Variants in CADPS observed in about 807,000 individuals in gnomAD.
CADPS encodes calcium dependent secretion activator, also known as calcium-dependent secretion activator 1.
Under a neutral mutation model 167.3 loss-of-function variants are expected in CADPS, and 57 were observed. That is an observed-to-expected ratio of 0.34 (90% confidence interval 0.28 to 0.42). The LOEUF (loss-of-function observed/expected upper bound fraction) is 0.42, where lower values mean the gene tolerates loss of function less well. CADPS is among the 20% of genes least tolerant of loss of function. CADPS has a pLI of 1.00. For synonymous variants in CADPS, 676 were observed against 635.3 expected (o/e 1.06, Z -0.96); for missense variants, 1,414 against 1,738.1 (o/e 0.81, Z 3.32).
chr3:62,551,502 G>C (rs1343089684), intron 10 of CADPS, among the ~76,000 whole-genome samples: 1 of 152,106 alleles, frequency 6.6e-6, no homozygotes, highest in Non-Finnish European at 1.5e-5. Context: ...ATGCTCACAA[G>C]GCAGCCAGAG....
Position 62,585,427 on chromosome 3 carries a change from C to T in CADPS, c.1438-103G>A, listed in dbSNP as rs910464711. The T allele has an allele frequency of 2.6e-6, 3 of 1,172,954 alleles. No homozygotes were observed. The African/African-American group carries it at 4.7e-5, about 18-fold the overall frequency. 72.7% of individuals were successfully genotyped at this position (1,172,954 alleles called of 1,614,324 possible). On this transcript the variant is annotated intron_variant, in intron 7 of 29. Coordinates refer to ENST00000383710, the MANE Select transcript of CADPS (RefSeq NM_003716.4). ...GTAGTGGAGTGACTTGAACAATTCCCACTGTGGAGCAGCCATACCTGGGGA... is the reference window on the plus strand; with the variant it reads ...GTAGTGGAGTGACTTGAACAATTCCTACTGTGGAGCAGCCATACCTGGGGA...
intron 6 of CADPS, among the ~76,000 whole-genome samples, chr3:62,618,239 G>A (rs1265516863): frequency 6.6e-6 from 1 of 152,132 alleles, no homozygotes; most frequent in Non-Finnish European, 1.5e-5. Flanking sequence ...ACCACCCAGA[G>A]GAAAACAGCT....
At chr3:62,676,639 A>C (rs1331388350) in intron 3 of CADPS, among the ~76,000 whole-genome samples, 1 of 152,006 alleles carries the variant, frequency 6.6e-6, no homozygotes, top group Non-Finnish European at 1.5e-5. Context: ...ATGGTGTTTC[A>C]CCTCCTTTTA....
chr3:62,684,713 C>A (rs2077690189), intron 3 of CADPS, among the ~76,000 whole-genome samples: 1 of 152,014 alleles, frequency 6.6e-6, no homozygotes, highest in Non-Finnish European at 1.5e-5. Context: ...GAAAGCTCAA[C>A]CCATCCTCAG....
rs148585818 is a variant in CADPS at position 62,619,779 on chromosome 3, G to T, written c.1325+25943C>A. 3.0e-3 allele frequency among the ~76,000 whole-genome samples: 463 copies of T among 152,270 alleles called. 3 individuals are homozygous for T. Among genetic ancestry groups the T allele is most frequent in the African/African-American group, 0.011 (445 of 41,554 alleles). On this transcript the variant is annotated intron_variant, in intron 6 of 29. Coordinates refer to ENST00000383710, the MANE Select transcript of CADPS (RefSeq NM_003716.4). ...TGTACTATTTGTTTAGGTTTTTGAA[G>T]TGTTACAGTTTTCCTAATGAGAGGA...
chr3:62,766,887 G>A (rs956877417), intron 1 of CADPS, among the ~76,000 whole-genome samples: 9 of 152,096 alleles, frequency 5.9e-5, no homozygotes, highest in African/African-American at 2.2e-4. Flanking sequence ...TTAACTGCTT[G>A]ATGATGATTA....
chr3:62,776,205 GGT>G (rs1463011299), intron 1 of CADPS, among the ~76,000 whole-genome samples: 6 of 152,052 alleles, frequency 3.9e-5, no homozygotes, highest in Admixed American at 1.3e-4. Flanking sequence ...AGAGTGCTAG[GGT>G]ATAGTCTTGG....
intron 6 of CADPS, among the ~76,000 whole-genome samples, chr3:62,637,807 C>A (rs2066597088): frequency 6.6e-6 from 1 of 152,094 alleles, no homozygotes; most frequent in African/African-American, 2.4e-5. Flanking sequence ...AACTTCACCT[C>A]TCTGGATTTC....
intron 1 of CADPS, among the ~76,000 whole-genome samples, chr3:62,843,353 T>A (rs1011896084): frequency 1.3e-5 from 2 of 152,226 alleles, no homozygotes; most frequent in Non-Finnish European, 2.9e-5. Context: ...TACTAAATAT[T>A]GAAGATTCGA....
In CADPS at chr3:62,465,580, T is replaced by C; in HGVS notation, c.3553-130A>G. On this transcript the variant is annotated intron_variant, in intron 25 of 29. Coordinates refer to ENST00000383710, the MANE Select transcript of CADPS (RefSeq NM_003716.4). The surrounding 1 kb of genome is among the most constrained non-coding windows in gnomAD (Gnocchi z 4.1). ...TTCATTTCTGCAGTCTATTATTTGA[T>C]TCCCGCCTTCGGAGAAAGGAATAGA... The C allele has an allele frequency of 3.5e-6, 2 of 567,094 alleles. No individual in the cohort carries two copies. Among genetic ancestry groups the C allele is most frequent in the Non-Finnish European group, 6.2e-6 (2 of 321,134 alleles). 35.1% of individuals were successfully genotyped at this position (567,094 alleles called of 1,614,324 possible).
chr3:62,684,308 C>T (rs911736982), intron 3 of CADPS, among the ~76,000 whole-genome samples: 1 of 151,870 alleles, frequency 6.6e-6, no homozygotes, highest in Non-Finnish European at 1.5e-5. Flanking sequence ...CTGTTGGCTC[C>T]CAGTTCCCCT....
intron 13 of CADPS, among the ~76,000 whole-genome samples, chr3:62,526,370 T>C: frequency 6.6e-6 from 1 of 152,180 alleles, no homozygotes; most frequent in East Asian, 1.9e-4. Context: ...GCTGATACAA[T>C]GTACTTTCTA....
intron 3 of CADPS, among the ~76,000 whole-genome samples, chr3:62,688,334 G>A (rs1318645157): frequency 1.3e-5 from 2 of 152,056 alleles, no homozygotes. Context: ...AGCTAAGTGA[G>A]TTTTGTGAGC....
chr3:62,802,392 C>T (rs2093824877), intron 1 of CADPS, among the ~76,000 whole-genome samples: 1 of 152,146 alleles, frequency 6.6e-6, no homozygotes, highest in South Asian at 2.1e-4. Context: ...CTTTCTTTAC[C>T]TAATTCACTT....
chr3:62,536,021 T>C (rs2074620943), intron 12 of CADPS: 1 of 153,992 alleles, frequency 6.5e-6, no homozygotes, highest in Non-Finnish European at 1.4e-5. Context: ...ACAAATCATT[T>C]TAACCTTTAA....
chr3:62,819,424 G>GTGTGTGTA (rs1182092294), intron 1 of CADPS, among the ~76,000 whole-genome samples: 1 of 151,556 alleles, frequency 6.6e-6, no homozygotes, highest in African/African-American at 2.4e-5. Context: ...GTGTGTGTGT[G>GTGTGTGTA]TGTGTGTGTG....
intron 3 of CADPS, among the ~76,000 whole-genome samples, chr3:62,740,831 G>C (rs1348516237): frequency 6.6e-6 from 1 of 152,120 alleles, no homozygotes; most frequent in Admixed American, 6.6e-5. Context: ...CTGTTTTATA[G>C]AAAAGTTAAT....
At chr3:62,853,558 G>A (rs1188991088) in intron 1 of CADPS, among the ~76,000 whole-genome samples, 2 of 151,280 alleles carry the variant, frequency 1.3e-5, no homozygotes, top group African/African-American at 4.9e-5. Flanking sequence ...CTTTGAGGCG[G>A]AGGTTGCAGT....
chr3:62,415,012 G>A (rs897018264), intron 28 of CADPS, among the ~76,000 whole-genome samples: 6 of 152,004 alleles, frequency 3.9e-5, no homozygotes, highest in African/African-American at 9.7e-5. Flanking sequence ...AGACCCTCCC[G>A]TCTGATGCTT....
Sources: gnomAD v4.1 joint callset for allele counts (sites outside exome capture counted in the v4.1 genomes callset) on GRCh38, gnomAD v4.1.1 for gene constraint, Gnocchi (gnomAD v3.1) non-coding constraint, MANE v1.5 for transcripts, NCBI Gene and HGNC (gene_info 2026-07-23, HGNC 2026-07-21) for gene names.